GRID1: variants seen among roughly 807,000 people sequenced by gnomAD.
GRID1 encodes glutamate ionotropic receptor delta type subunit 1.
A neutral mutation model predicts 98.0 loss-of-function variants in GRID1; 28 were observed. That is an observed-to-expected ratio of 0.29 (90% confidence interval 0.21 to 0.39). The LOEUF is 0.39. Ranked by LOEUF, GRID1 falls within the 10% of genes least tolerant of loss-of-function variation. GRID1 has a pLI of 1.00. For synonymous variants in GRID1, 553 were observed against 538.5 expected, an observed-to-expected ratio of 1.03 and a Z score of -0.37; for missense variants, 1,111 against 1,340.5, an observed-to-expected ratio of 0.83 and a Z score of 2.67.
rs781489654 is a variant in GRID1 at position 85,655,955 on chromosome 10, C to T, written c.1998-8558G>A. On this transcript the variant is annotated intron_variant, in intron 12 of 15. Transcript: ENST00000327946. ...TCTCTCTGCAGATCATTTCCATTGG[C>T]TTGAAAATACATACATACATCTTCT... is the stretch of plus-strand genomic sequence containing the variant. 9.4e-4 allele frequency among the ~76,000 whole-genome samples: 143 copies of T among 151,814 alleles called. 1 individual carries two copies. The highest frequency in any genetic ancestry group is 2.6e-4 in the Non-Finnish European group (18 of 67,960).
At chr10:85,703,099 C>A (rs980960508) in intron 12 of GRID1, among the ~76,000 whole-genome samples, 6 of 151,912 alleles carry the variant, frequency 3.9e-5, no homozygotes, top group African/African-American at 1.5e-4. Flanking sequence ...TTGTATGACA[C>A]ACAGGAAGAA....
intron 12 of GRID1, among the ~76,000 whole-genome samples, chr10:85,719,355 C>G (rs1286043901): frequency 6.6e-6 from 1 of 152,160 alleles, no homozygotes; most frequent in Admixed American, 6.5e-5. Context: ...TCAGCAATGC[C>G]CCTCATTCAG....
At chr10:86,247,527 G>A (rs570419506) in intron 2 of GRID1, among the ~76,000 whole-genome samples, 162 of 152,326 alleles carry the variant, frequency 1.1e-3, no homozygotes, top group Middle Eastern at 6.8e-3. Context: ...CACCAAAAAA[G>A]AGACCAAACC....
chr10:86,358,379 C>A (rs936630354), intron 2 of GRID1, among the ~76,000 whole-genome samples: 1 of 152,130 alleles, frequency 6.6e-6, no homozygotes, highest in Non-Finnish European at 1.5e-5. Context: ...TCAAAGATGT[C>A]TACATCCTAA....
chr10:85,946,473 G>C (rs2131841131), intron 4 of GRID1, among the ~76,000 whole-genome samples: 1 of 152,214 alleles, frequency 6.6e-6, no homozygotes, highest in South Asian at 2.1e-4. Flanking sequence ...AATTTTCTTT[G>C]ACACACCAAG....
chr10:85,770,347 G>A (rs954285303), intron 8 of GRID1, among the ~76,000 whole-genome samples: 2 of 151,922 alleles, frequency 1.3e-5, no homozygotes, highest in Non-Finnish European at 2.9e-5. Flanking sequence ...CATCAAAGAC[G>A]AAAAGTAGAT....
intron 4 of GRID1, among the ~76,000 whole-genome samples, chr10:86,111,985 T>C (rs1023488518): frequency 6.6e-6 from 1 of 152,236 alleles, no homozygotes; most frequent in Non-Finnish European, 1.5e-5. Context: ...TGGGCCACCA[T>C]GAGGCTACAG....
intron 5 of GRID1, among the ~76,000 whole-genome samples, chr10:85,881,707 G>C (rs1038171428): frequency 6.6e-6 from 1 of 152,128 alleles, no homozygotes; most frequent in Non-Finnish European, 1.5e-5. Context: ...TCAGGACATA[G>C]GCATGGGCAA....
chr10:85,699,384 A>G (rs938746795), intron 12 of GRID1, among the ~76,000 whole-genome samples: 8 of 152,098 alleles, frequency 5.3e-5, no homozygotes, highest in African/African-American at 1.7e-4. Context: ...TTCTTTGTAT[A>G]TGTTGGATAA....
In GRID1 at chr10:85,700,083, G is replaced by A. The variant is rs1332166249; in HGVS notation, c.1997+22920C>T. Among the ~76,000 whole-genome samples, 3 of 152,076 alleles carry A rather than the reference G, an allele frequency of 2.0e-5. No homozygotes were observed. The East Asian group carries it at 5.8e-4, about 29-fold the overall frequency. On this transcript the variant is annotated intron_variant, in intron 12 of 15. Transcript: ENST00000327946. ...GGCATGCTGGCGTTCTTCAGCCCAG[G>A]ACTCCAAATCTCAGAGCTGTTCCTT...
rs1159019551 is a variant in GRID1, at chr10:86,195,124, T to G, written c.520+11240A>C. On this transcript the variant is annotated intron_variant, in intron 3 of 15. Transcript: ENST00000327946. This position sits in a 1 kb window ranked among gnomAD's most constrained non-coding sequence, Gnocchi z 4.4. ...GAAGCTTAGGCAGAGGCAAGTCCTATCCCTACCCTTCCAGGAATGGTAAGT... is the reference window on the plus strand; with the variant it reads ...GAAGCTTAGGCAGAGGCAAGTCCTAGCCCTACCCTTCCAGGAATGGTAAGT... 1.3e-5 allele frequency among the ~76,000 whole-genome samples: 2 copies of G among 152,054 alleles called. No homozygotes were observed. The highest frequency in any genetic ancestry group is 4.8e-5 in the African/African-American group (2 of 41,424).
At chr10:85,865,955 GGAGAGAGAGAGA>G (rs11468652) in intron 6 of GRID1, among the ~76,000 whole-genome samples, 2,563 of 84,636 alleles carry the variant, frequency 0.03, 90 homozygotes, top group Non-Finnish European at 0.036. Flanking sequence ...ACATATATAT[GGAGAGAGAGAGA>G]GAGAGAGAGA....
chr10:85,947,658 G>T (rs1439357752), intron 4 of GRID1, among the ~76,000 whole-genome samples: 22 of 152,180 alleles, frequency 1.4e-4, no homozygotes, highest in Admixed American at 1.4e-3. Context: ...CAACTTCACA[G>T]AATTTTCTAA....
At chr10:85,954,717 GAACTGGCA>G (rs1224107451) in intron 4 of GRID1, among the ~76,000 whole-genome samples, 1 of 152,108 alleles carries the variant, frequency 6.6e-6, no homozygotes, top group Non-Finnish European at 1.5e-5. Context: ...AGGTCCTTCC[GAACTGGCA>G]GAACTGTGCT....
intron 2 of GRID1, among the ~76,000 whole-genome samples, chr10:86,266,643 C>G (rs549976837): frequency 6.6e-6 from 1 of 152,232 alleles, no homozygotes. Flanking sequence ...TTCTCCAGAA[C>G]CTACTCTGTG....
At chr10:85,964,983 A>C (rs1842318066) in intron 4 of GRID1, among the ~76,000 whole-genome samples, 1 of 152,274 alleles carries the variant, frequency 6.6e-6, no homozygotes. Flanking sequence ...AAAGGATATG[A>C]ATAGACACTT....
intron 2 of GRID1, among the ~76,000 whole-genome samples, chr10:86,321,856 T>C (rs1310655141): frequency 6.6e-6 from 1 of 152,142 alleles, no homozygotes; most frequent in African/African-American, 2.4e-5. Flanking sequence ...CCATCCAGTA[T>C]GTGAGTTCAG....
intron 2 of GRID1, among the ~76,000 whole-genome samples, chr10:86,357,914 C>T (rs918762890): frequency 2.0e-5 from 3 of 152,156 alleles, no homozygotes; most frequent in Non-Finnish European, 2.9e-5. Flanking sequence ...CAACGAGGGC[C>T]GTCCCTTGGG....
rs1589384781 is a variant in GRID1 at position 86,138,916 on chromosome 10, G to A, written c.629C>T (p.Thr210Ile). The stretch of plus-strand genomic sequence containing the variant: ...ATTCAGCTCCTCTGTCTTCATCGTG[G>A]TGAAGAGGCTGGTGAATACGTGGCT... ...NISHVFTSLF[T>I]TMKTEELNRY... The change falls in exon 4 of 16, where the codon ACC (threonine) becomes ATC (isoleucine). Residue 210 changes from threonine to isoleucine, a missense_variant. Thr to Ile is a moderately conservative substitution (Grantham distance 89). Transcript: ENST00000327946. The A allele has an allele frequency of 3.1e-6, 5 of 1,613,090 alleles. No homozygotes were observed. The East Asian group carries it at 1.1e-4, about 36-fold the overall frequency.
Sources: gnomAD v4.1 joint callset for allele counts (sites outside exome capture counted in the v4.1 genomes callset) on GRCh38, gnomAD v4.1.1 for gene constraint, Gnocchi (gnomAD v3.1) non-coding constraint, MANE v1.5 for transcripts, NCBI Gene and HGNC (gene_info 2026-07-23, HGNC 2026-07-21) for gene names.